Variants in CDK17 observed in about 807,000 individuals in gnomAD.
CDK17 encodes cyclin dependent kinase 17.
CDK17 carries 24 observed loss-of-function variants against 77.6 expected under a neutral mutation model. The observed-to-expected ratio is 0.31, with a 90% CI of 0.22 to 0.44. The LOEUF (loss-of-function observed/expected upper bound fraction) is 0.44, where lower values mean the gene tolerates loss of function less well. CDK17 is among the 20% of genes least tolerant of loss of function. The pLI is 1.00. For missense variants in CDK17, 429 were observed against 622.5 expected, an observed-to-expected ratio of 0.69 and a Z score of 3.31; for synonymous variants, 203 against 210.4, an observed-to-expected ratio of 0.96 and a Z score of 0.30.
chr12:96,396,602 G>A (rs1203306113), intron 1 of CDK17, among the ~76,000 whole-genome samples: 1 of 152,100 alleles, frequency 6.6e-6, no homozygotes, highest in African/African-American at 2.4e-5. Context: ...CTGTTTAAAA[G>A]TTTAGGCAAA....
At chr12:96,368,418 C>T (rs1166273403) in intron 1 of CDK17, among the ~76,000 whole-genome samples, 5 of 152,202 alleles carry the variant, frequency 3.3e-5, no homozygotes, top group African/African-American at 1.2e-4. Context: ...TGTGAACTTG[C>T]TCTACTCCAG....
In CDK17 at chr12:96,379,708, G is replaced by T. The variant is rs143487360; in HGVS notation, c.-30+20278C>A. On this transcript the variant is annotated intron_variant, in intron 1 of 16. Coordinates refer to ENST00000261211, the MANE Select transcript of CDK17 (RefSeq NM_002595.5). ...GCTTCCCAAATTTGCAGGAATTACA[G>T]CCATCAGCCACCGTGTCCAGAAGTA... 5.4e-3 allele frequency among the ~76,000 whole-genome samples: 815 copies of T among 152,234 alleles called. 6 individuals carry two copies. Among genetic ancestry groups the T allele is most frequent in the African/African-American group, 0.019 (785 of 41,538 alleles).
At chr12:96,303,571 A>G (rs1398861837) in intron 5 of CDK17, 1 of 152,134 alleles carries the variant, frequency 6.6e-6, no homozygotes, top group Non-Finnish European at 1.5e-5. Context: ...AAATGAAGAT[A>G]ATTTTTTCTG....
At position 96,324,077 on chromosome 12, in the gene CDK17, G is replaced by A. The variant is rs1447190561; in HGVS notation, c.154C>T (p.His52Tyr). ...TGGTGGAGGAAGGAATGCATACTGTGAGACGTTGGAGGCCTGCCATTCTTC... is the reference window on the plus strand; with the variant it reads ...TGGTGGAGGAAGGAATGCATACTGTAAGACGTTGGAGGCCTGCCATTCTTC... Reference protein sequence around the residue: ...IVKNGRPPTSHSMHSFLHQYT... With the variant: ...IVKNGRPPTSYSMHSFLHQYT... Residue 52 changes from histidine (H) to tyrosine (Y), a missense_variant, in exon 3 of 17, where the codon CAC (histidine) becomes TAC (tyrosine). By Grantham distance (83) the His-to-Tyr change is moderately conservative. Transcript: ENST00000261211. 1.2e-6 allele frequency: 2 copies of A among 1,608,714 alleles called. No homozygotes were observed. Among genetic ancestry groups the A allele is most frequent in the Admixed American group, 3.4e-5 (2 of 59,260 alleles).
chr12:96,300,497 A>G, intron 5 of CDK17, 137 bp from the exon 6 acceptor site: 2 of 558,906 alleles, frequency 3.6e-6, no homozygotes, highest in Non-Finnish European at 6.3e-6. Context: ...CGCGGGTTCA[A>G]GTGATTCTCC....
chr12:96,392,861 A>C (rs950807939), intron 1 of CDK17, among the ~76,000 whole-genome samples: 5 of 152,230 alleles, frequency 3.3e-5, no homozygotes, highest in Non-Finnish European at 7.3e-5. Context: ...CCTGGAAAGA[A>C]GGCTGTGGAC....
intron 1 of CDK17, among the ~76,000 whole-genome samples, chr12:96,382,379 C>A (rs1953898575): frequency 6.7e-6 from 1 of 148,540 alleles, no homozygotes; most frequent in Non-Finnish European, 1.5e-5. Context: ...AAAAATCCTA[C>A]CAACCAAAAA....
At chr12:96,333,785 T>TA (rs2083864692) in intron 2 of CDK17, among the ~76,000 whole-genome samples, 1 of 152,182 alleles carries the variant, frequency 6.6e-6, no homozygotes, top group South Asian at 2.1e-4. Flanking sequence ...ACCTGGGTTC[T>TA]AAAGTACTGG....
chr12:96,392,905 TA>T (rs1954093880), intron 1 of CDK17, among the ~76,000 whole-genome samples: 1 of 152,226 alleles, frequency 6.6e-6, no homozygotes, highest in African/African-American at 2.4e-5. Flanking sequence ...GCTGTTATCT[TA>T]TATGTTACAA....
chr12:96,363,553 A>G (rs1953531035), intron 1 of CDK17, among the ~76,000 whole-genome samples: 1 of 152,058 alleles, frequency 6.6e-6, no homozygotes, highest in Non-Finnish European at 1.5e-5. Context: ...ACTTTAAAAA[A>G]TAAATATTGT....
chr12:96,364,867 T>C (rs1249637495), intron 1 of CDK17, among the ~76,000 whole-genome samples: 1 of 152,202 alleles, frequency 6.6e-6, no homozygotes, highest in Non-Finnish European at 1.5e-5. Context: ...CAATAAAGTA[T>C]ATTCAAGGAC....
At chr12:96,346,723 T>C (rs1953216312) in intron 1 of CDK17, among the ~76,000 whole-genome samples, 1 of 151,832 alleles carries the variant, frequency 6.6e-6, no homozygotes, top group Non-Finnish European at 1.5e-5. Flanking sequence ...AAGACCATCC[T>C]GGCCAACATG....
chr12:96,325,223 C>A (rs556314715), intron 2 of CDK17, among the ~76,000 whole-genome samples: 1 of 152,180 alleles, frequency 6.6e-6, no homozygotes, highest in Non-Finnish European at 1.5e-5. Flanking sequence ...GCTCTGAATA[C>A]CTTCTTTTTA....
intron 10 of CDK17, among the ~76,000 whole-genome samples, chr12:96,290,513 T>C (rs2137072431): frequency 6.6e-6 from 1 of 152,356 alleles, no homozygotes; most frequent in Middle Eastern, 3.4e-3. Flanking sequence ...ACTCATATAC[T>C]ATTTCAGTTC....
intron 3 of CDK17, among the ~76,000 whole-genome samples, 183 bp from the exon 4 acceptor site, chr12:96,313,637 T>C (rs937816300): frequency 6.6e-6 from 1 of 152,188 alleles, no homozygotes; most frequent in African/African-American, 2.4e-5. Context: ...CTTAAAATAG[T>C]ATGAAATCTT....
At chr12:96,382,161 C>T (rs1051995668) in intron 1 of CDK17, among the ~76,000 whole-genome samples, 2 of 152,002 alleles carry the variant, frequency 1.3e-5, no homozygotes, top group African/African-American at 4.8e-5. Flanking sequence ...AAGTTTGTCA[C>T]AGCACCGATT....
chr12:96,373,874 C>T (rs1015674126), intron 1 of CDK17, among the ~76,000 whole-genome samples: 4 of 151,784 alleles, frequency 2.6e-5, no homozygotes, highest in Non-Finnish European at 2.9e-5. Flanking sequence ...GAGCCAAGAT[C>T]GCGCCATTGC....
intron 16 of CDK17, 108 bp from the exon 17 acceptor site, chr12:96,280,387 C>T (rs1952159871): frequency 1.3e-6 from 2 of 1,506,620 alleles, no homozygotes; most frequent in South Asian, 2.7e-5. Flanking sequence ...AGCTAATATT[C>T]CATGGTAAGA....
chr12:96,282,480 C>T (rs752865496), intron 15 of CDK17, 29 bp downstream of exon 15: 22 of 1,423,844 alleles, frequency 1.5e-5, no homozygotes, highest in Non-Finnish European at 2.2e-5. Context: ...AAAAATAAAG[C>T]AGGGAAAACA....
Sources: allele counts gnomAD v4.1 joint callset (sites outside exome capture counted in the v4.1 genomes callset), GRCh38; gene constraint gnomAD v4.1.1; transcripts MANE v1.5; gene names NCBI Gene and HGNC (gene_info 2026-07-23, HGNC 2026-07-21).